TSC1: variants seen among roughly 807,000 people sequenced by gnomAD.
The protein encoded by TSC1 is hamartin.
Under a neutral mutation model 124.3 loss-of-function variants are expected in TSC1, and 20 were observed. The ratio of observed to expected loss-of-function variants is 0.16; its 90% CI spans 0.11 to 0.23. The LOEUF (loss-of-function observed/expected upper bound fraction) is 0.23. Ranked by LOEUF, TSC1 falls within the 10% of genes least tolerant of loss-of-function variation. The pLI is 1.00. For missense variants in TSC1, 1,124 were observed against 1,448.5 expected (o/e 0.78, Z 3.64); for synonymous variants, 493 against 539.1 (o/e 0.91, Z 1.19).
At chr9:132,924,302 T>C (rs879266076) in intron 5 of TSC1, among the ~76,000 whole-genome samples, 2 of 152,230 alleles carry the variant, frequency 1.3e-5, no homozygotes, top group Non-Finnish European at 2.9e-5. Flanking sequence ...ACATCCATTA[T>C]TCCTATTAGA....
At position 132,927,293 on chromosome 9, in the gene TSC1, T is replaced by C. The variant is rs974227401; in HGVS notation, c.118A>G (p.Met40Val). 6.2e-7 allele frequency: 1 copy of C among 1,613,700 alleles called. No individual in the cohort carries two copies. Among genetic ancestry groups the C allele is most frequent in the African/African-American group, 1.3e-5 (1 of 74,906 alleles). Residue 40 changes from methionine to valine, a missense_variant, in exon 4 of 23, where the codon ATG (methionine) becomes GTG (valine). Physicochemically the swap from Met to Val is conservative, Grantham distance 21. This residue lies in a region of TSC1 where 463 missense variants were observed against 606.8 expected (regional missense o/e 0.76). Coordinates refer to ENST00000298552, the MANE Select transcript of TSC1 (RefSeq NM_000368.5). ...TAATCCACCAAGGTGTTTACAAGCATAGGGCCACGGTCTAAATCAAGAAAA... is the reference window on the plus strand; with the variant it reads ...TAATCCACCAAGGTGTTTACAAGCACAGGGCCACGGTCTAAATCAAGAAAA... Reference protein sequence around the residue: ...KENLNSDRGPMLVNTLVDYYL... With the variant: ...KENLNSDRGPVLVNTLVDYYL...
At chr9:132,909,262 G>A (rs1438213643) in intron 12 of TSC1, among the ~76,000 whole-genome samples, 1 of 152,050 alleles carries the variant, frequency 6.6e-6, no homozygotes, top group African/African-American at 2.4e-5. Context: ...TCATACATTG[G>A]ACACTCTGAA....
chr9:132,903,930 C>T lies in TSC1; in HGVS notation c.2042-113G>A. The T allele has an allele frequency of 7.7e-7, 1 of 1,306,842 alleles. No homozygotes were observed. The highest frequency in any genetic ancestry group is 1.1e-6 in the Non-Finnish European group (1 of 926,932). 81.0% of individuals were successfully genotyped at this position (1,306,842 alleles called of 1,614,324 possible). A position where few individuals can be genotyped will look rare whatever the true frequency, so the allele number is the denominator to read the frequency against. On this transcript the variant is annotated intron_variant, in intron 16 of 22. Transcript: ENST00000298552. The surrounding 1 kb of genome is among the most constrained non-coding windows in gnomAD (Gnocchi z 5.9). ...AACACAATTCTTTAAAAACAAATCACCACTCTCTTTGCAAATGACCACTTG... is the reference window on the plus strand; with the variant it reads ...AACACAATTCTTTAAAAACAAATCATCACTCTCTTTGCAAATGACCACTTG...
rs1408263712 is a variant in TSC1 at position 132,921,345 on chromosome 9, T to C, written c.737+18A>G. 1 of 1,613,582 alleles carries C rather than the reference T, an allele frequency of 6.2e-7. No individual in the cohort carries two copies. Among genetic ancestry groups the C allele is most frequent in the Non-Finnish European group, 8.5e-7 (1 of 1,179,506 alleles). ...TCTCTCGAAAGATTCTTTAAAATTT[T>C]GACACTAGTTTCTATACCTTCGAGG... On this transcript the variant is annotated intron_variant, in intron 8 of 22. Transcript: ENST00000298552. This position sits in a 1 kb window ranked among gnomAD's most constrained non-coding sequence, Gnocchi z 4.3.
chr9:132,903,748 T>G lies in TSC1; in HGVS notation c.2111A>C (p.Tyr704Ser), dbSNP rs752054698. ...ATGCTGCTGCCTCTTAAAACGCTCA[T>G]AGAGTAACTGGTTGTGCAGTAAAAG... is the stretch of plus-strand genomic sequence containing the variant. ...QLLLLHNQLL[Y>S]ERFKRQQHAL... The change falls in exon 17 of 23, where the codon TAT becomes TCT. Residue 704 changes from tyrosine to serine, a missense_variant. This residue lies in a region of TSC1 where 321 missense variants were observed against 397.4 expected (regional missense o/e 0.81). Transcript: ENST00000298552. The surrounding 1 kb of genome is among the most constrained non-coding windows in gnomAD (Gnocchi z 5.9). The G allele has an allele frequency of 1.2e-6, 2 of 1,613,618 alleles. No homozygotes were observed. Among genetic ancestry groups the G allele is most frequent in the Non-Finnish European group, 1.7e-6 (2 of 1,180,008 alleles).
At chr9:132,904,363 A>C (rs1006813942) in intron 16 of TSC1, 48 bp downstream of exon 16, 5 of 1,608,860 alleles carry the variant, frequency 3.1e-6, no homozygotes, top group Middle Eastern at 1.7e-4. Flanking sequence ...GGCAACAAGC[A>C]AGCAGGAACC....
chr9:132,928,992 T>C, intron 2 of TSC1, 40 bp from the exon 3 acceptor site: 1 of 1,508,760 alleles, frequency 6.6e-7, no homozygotes, highest in Non-Finnish European at 8.9e-7. Flanking sequence ...AATGGCCCCA[T>C]TTTTCTCCAT....
At position 132,895,104 on chromosome 9, in the gene TSC1, G is replaced by A. The variant is rs1844964106; in HGVS notation, c.*1131C>T. 1 of 233,190 alleles carries A rather than the reference G, an allele frequency of 4.3e-6. No homozygotes were observed. The highest frequency in any genetic ancestry group is 8.5e-6 in the Non-Finnish European group (1 of 117,756). The allele number at this position is 233,190 out of a possible 1,614,324, so 14.4% of individuals were successfully genotyped here. On this transcript the variant is annotated 3_prime_UTR_variant, in exon 23 of 23. Transcript: ENST00000298552. ...AGAGTGTGATGACATCAGCTCCCTG[G>A]AGAGTCAGCCCCTGAAAGTTGGAAT... is the stretch of plus-strand genomic sequence containing the variant.
intron 2 of TSC1, among the ~76,000 whole-genome samples, chr9:132,932,400 G>A (rs183421110): frequency 2.7e-4 from 41 of 152,218 alleles, no homozygotes; most frequent in African/African-American, 9.4e-4. Context: ...GTCGAAGCCC[G>A]CATCATCTCT....
intron 8 of TSC1, among the ~76,000 whole-genome samples, chr9:132,915,910 G>C (rs1443108001): frequency 2.0e-5 from 3 of 152,122 alleles, no homozygotes; most frequent in Non-Finnish European, 4.4e-5. Flanking sequence ...CCTGTTAATG[G>C]GGATAGGCTC....
intron 8 of TSC1, among the ~76,000 whole-genome samples, chr9:132,916,876 G>A (rs1195130089): frequency 6.6e-6 from 1 of 152,154 alleles, no homozygotes; most frequent in Non-Finnish European, 1.5e-5. Context: ...AAACGGTCAT[G>A]ATCAGGCCCC....
intron 8 of TSC1, among the ~76,000 whole-genome samples, chr9:132,913,917 T>TTTTTTA (rs1564491575): frequency 1.0e-5 from 1 of 95,518 alleles, no homozygotes. Context: ...TTTTTTTTTT[T>TTTTTTA]AGACAGAGTC....
intron 4 of TSC1, chr9:132,926,365 G>A (rs1017845452): frequency 1.2e-5 from 2 of 160,042 alleles, no homozygotes; most frequent in Admixed American, 1.2e-4. Context: ...ACTGTAAAAG[G>A]CATGCAATAC....
intron 1 of TSC1, among the ~76,000 whole-genome samples, chr9:132,935,739 C>T (rs1847425766): frequency 6.6e-6 from 1 of 152,220 alleles, no homozygotes. Context: ...CTTTCAGTTC[C>T]TTGGCTAAGC....
chr9:132,913,695 G>A (rs1251815328), intron 8 of TSC1, among the ~76,000 whole-genome samples: 7 of 151,280 alleles, frequency 4.6e-5, no homozygotes, highest in East Asian at 2.0e-4. Flanking sequence ...GCGCGGTGGC[G>A]GGCGCCTGTA....
chr9:132,939,561 T>C (rs1410367073), intron 1 of TSC1, among the ~76,000 whole-genome samples: 2 of 152,248 alleles, frequency 1.3e-5, no homozygotes, highest in East Asian at 3.8e-4. Flanking sequence ...AGCTTAATTT[T>C]GGTAAGGCGT....
chr9:132,891,662 T>C lies in TSC1; in HGVS notation c.*4573A>G, dbSNP rs1844776954. 1 of 233,526 alleles carries C rather than the reference T, an allele frequency of 4.3e-6. No homozygotes were observed. The allele number at this position is 233,526 out of a possible 1,614,324, so 14.5% of individuals were successfully genotyped here. On this transcript the variant is annotated 3_prime_UTR_variant, in exon 23 of 23. Coordinates refer to ENST00000298552, the MANE Select transcript of TSC1 (RefSeq NM_000368.5). ...CTTTAAACTGCAAGTTTGCCACACA[T>C]GGTTCATTCATGATTGAGTTATAAA...
At chr9:132,919,301 C>G (rs1343448562) in intron 8 of TSC1, among the ~76,000 whole-genome samples, 1 of 152,096 alleles carries the variant, frequency 6.6e-6, no homozygotes, top group African/African-American at 2.4e-5. Context: ...GAAGGAAAGA[C>G]AGAGAAAACA....
rs562304317 is a variant in TSC1 at position 132,910,950 on chromosome 9, A to G, written c.1141+52T>C. 21 of 1,537,966 alleles carry G rather than the reference A, an allele frequency of 1.4e-5. No individual in the cohort carries two copies. The African/African-American group carries it at 2.7e-4, about 20-fold the overall frequency. The stretch of plus-strand genomic sequence containing the variant: ...GATCTAAAAGAGAGCTCCTCCTGCC[A>G]TTAAAGGCAGGCCAAAACCAACTAA... On this transcript the variant is annotated intron_variant, in intron 11 of 22. Coordinates refer to ENST00000298552, the MANE Select transcript of TSC1 (RefSeq NM_000368.5).
Sources: allele counts gnomAD v4.1 joint callset (sites outside exome capture counted in the v4.1 genomes callset), GRCh38; gene constraint gnomAD v4.1.1; regional missense constraint gnomAD v4.1.1; non-coding constraint Gnocchi (gnomAD v3.1); transcripts MANE v1.5; gene names NCBI Gene and HGNC (gene_info 2026-07-23, HGNC 2026-07-21).